Variants in CASTOR2 observed in about 807,000 individuals in gnomAD.
CASTOR2 encodes the protein cytosolic arginine sensor for mTORC1 subunit 2, also known as GATS protein like 2.
Under a neutral mutation model 31.2 loss-of-function variants are expected in CASTOR2, and 8 were observed. The observed-to-expected ratio is 0.26, with a 90% CI of 0.15 to 0.46. The LOEUF (loss-of-function observed/expected upper bound fraction) is 0.46, where lower values mean the gene tolerates loss of function less well. Among genes scored for constraint, CASTOR2 ranks in the 20% least tolerant of loss-of-function variants. The probability of loss-of-function intolerance (pLI) is 0.99; values close to 1 mark genes in which losing one functional copy is unlikely to be tolerated. For synonymous variants in CASTOR2, 162 were observed against 158.7 expected (o/e 1.02, Z -0.16); for missense variants, 216 against 382.1 (o/e 0.57, Z 3.62).
chr7:75,004,073 G>A lies in CASTOR2; in HGVS notation c.114-3921G>A, dbSNP rs1306730940. On this transcript the variant is annotated intron_variant, in intron 1 of 8. Transcript: ENST00000616305. ...GCCGAGGGCGCCGGGAGCAAGGGCC[G>A]CGTCTGTTTGCCTCCCCGGGGCTCT... Among the ~76,000 whole-genome samples, 1,228 of 152,264 alleles carry A rather than the reference G, an allele frequency of 8.1e-3. 25 individuals carry two copies. The highest frequency in any genetic ancestry group is 0.027 in the African/African-American group (1,139 of 41,560).
chr7:74,990,671 A>G (rs1266635859), intron 1 of CASTOR2, among the ~76,000 whole-genome samples: 11 of 152,164 alleles, frequency 7.2e-5, no homozygotes, highest in Non-Finnish European at 7.3e-5. Context: ...CCTGGCCAAC[A>G]TGGCAAAATC....
At chr7:74,996,107 T>A (rs1181278862) in intron 1 of CASTOR2, among the ~76,000 whole-genome samples, 1 of 151,220 alleles carries the variant, frequency 6.6e-6, no homozygotes, top group Non-Finnish European at 1.5e-5. Flanking sequence ...GTGGAAGAGG[T>A]CTGGGGGAGG....
At chr7:74,995,583 G>A (rs1354830392) in intron 1 of CASTOR2, among the ~76,000 whole-genome samples, 3 of 151,358 alleles carry the variant, frequency 2.0e-5, no homozygotes, top group African/African-American at 4.9e-5. Context: ...CGTGGCGGGC[G>A]GGTCACGAGG....
intron 1 of CASTOR2, among the ~76,000 whole-genome samples, chr7:74,969,767 T>A (rs1302525432): frequency 1.3e-5 from 2 of 148,900 alleles, no homozygotes; most frequent in African/African-American, 5.0e-5. Context: ...GATACTTTCT[T>A]CCAGGCACCT....
At chr7:74,998,182 G>A (rs1289881282) in intron 1 of CASTOR2, among the ~76,000 whole-genome samples, 2 of 152,106 alleles carry the variant, frequency 1.3e-5, no homozygotes, top group Non-Finnish European at 2.9e-5. Flanking sequence ...CGGTTTTCCC[G>A]TCTGTGAAAT....
chr7:75,008,106 C>T (rs1477319664), intron 2 of CASTOR2, 42 bp downstream of exon 2: 15 of 1,612,196 alleles, frequency 9.3e-6, no homozygotes, highest in South Asian at 6.6e-5. Flanking sequence ...GACCATGCCC[C>T]GAAGTCAGGG....
intron 2 of CASTOR2, among the ~76,000 whole-genome samples, chr7:75,012,463 C>T (rs1554439551): frequency 6.6e-6 from 1 of 150,768 alleles, no homozygotes; most frequent in South Asian, 2.1e-4. Context: ...CCACCACACC[C>T]GGCTAATTTT....
At chr7:75,011,745 A>C (rs1257182818) in intron 2 of CASTOR2, among the ~76,000 whole-genome samples, 17 of 142,374 alleles carry the variant, frequency 1.2e-4, no homozygotes, top group African/African-American at 2.7e-4. Context: ...AAAAAAAAAA[A>C]ACCAAAAAAA....
At chr7:75,020,279 G>A in intron 6 of CASTOR2, 130 bp downstream of exon 6, 1 of 926,082 alleles carries the variant, frequency 1.1e-6, no homozygotes, top group Non-Finnish European at 1.7e-6. Flanking sequence ...GTCTCGCTCT[G>A]TCGCCCAGGC....
chr7:74,989,227 G>A, intron 1 of CASTOR2, among the ~76,000 whole-genome samples: 1 of 150,678 alleles, frequency 6.6e-6, no homozygotes, highest in East Asian at 2.0e-4. Context: ...GCCTCCGAAA[G>A]TGCTGGGATT....
intron 1 of CASTOR2, among the ~76,000 whole-genome samples, chr7:74,981,523 C>T (rs1803945341): frequency 2.1e-5 from 3 of 146,102 alleles, no homozygotes; most frequent in Non-Finnish European, 3.0e-5. Context: ...ATCCCCTGAC[C>T]CTGAGGCCTC....
intron 1 of CASTOR2, among the ~76,000 whole-genome samples, chr7:74,985,378 G>A (rs1804037675): frequency 2.6e-5 from 4 of 151,460 alleles, no homozygotes; most frequent in African/African-American, 9.7e-5. Context: ...TTAGAAGCTC[G>A]AGACCAGCCT....
chr7:75,008,322 C>G (rs1310429393), intron 2 of CASTOR2, among the ~76,000 whole-genome samples: 1 of 152,120 alleles, frequency 6.6e-6, no homozygotes, highest in African/African-American at 2.4e-5. Context: ...AGGAAAGACT[C>G]CTGAGTAGTA....
At chr7:75,001,025 C>G (rs1334707423) in intron 1 of CASTOR2, among the ~76,000 whole-genome samples, 2 of 152,180 alleles carry the variant, frequency 1.3e-5, no homozygotes, top group Non-Finnish European at 2.9e-5. Context: ...GTGACCTTGG[C>G]AGAGTCTGGC....
chr7:75,027,782 A>G lies in CASTOR2; in HGVS notation c.*3083A>G. On this transcript the variant is annotated 3_prime_UTR_variant, in exon 9 of 9. Coordinates refer to ENST00000616305, the MANE Select transcript of CASTOR2 (RefSeq NM_001145064.3). ...ATCCTGCTCGTGTAAAGCTTGGTTT[A>G]TCTTCTCGGCGTTCTGTGTGTAGCG... 1.8e-6 allele frequency: 1 copy of G among 543,744 alleles called. No individual in the cohort carries two copies. The highest frequency in any genetic ancestry group is 3.3e-5 in the East Asian group (1 of 30,200). 33.7% of individuals were successfully genotyped at this position (543,744 alleles called of 1,614,324 possible).
intron 2 of CASTOR2, among the ~76,000 whole-genome samples, chr7:75,010,628 G>T (rs2131947495): frequency 6.6e-6 from 1 of 152,098 alleles, no homozygotes; most frequent in East Asian, 1.9e-4. Context: ...CCCTCCCTGA[G>T]CCTTTCCCAG....
intron 6 of CASTOR2, 125 bp from the exon 7 acceptor site, chr7:75,021,749 G>T: frequency 8.7e-7 from 1 of 1,151,466 alleles, no homozygotes; most frequent in Admixed American, 2.0e-5. Flanking sequence ...TTTTTGGGGG[G>T]CCCTGAGGTC....
At chr7:74,975,960 C>CGGCAG (rs1371178525) in intron 1 of CASTOR2, among the ~76,000 whole-genome samples, 1 of 150,144 alleles carries the variant, frequency 6.7e-6, no homozygotes, top group Non-Finnish European at 1.5e-5. Context: ...CACCCCCAAC[C>CGGCAG]GGCAGAGCGG....
chr7:75,020,004 G>A (rs2131955748), intron 5 of CASTOR2, 35 bp from the exon 6 acceptor site: 2 of 1,543,934 alleles, frequency 1.3e-6, no homozygotes, highest in East Asian at 4.9e-5. Flanking sequence ...GGGGCCACAG[G>A]GGCCCCATCT....
Sources: gnomAD v4.1 joint callset for allele counts (sites outside exome capture counted in the v4.1 genomes callset) on GRCh38, gnomAD v4.1.1 for gene constraint, MANE v1.5 for transcripts, NCBI Gene and HGNC (gene_info 2026-07-23, HGNC 2026-07-21) for gene names.